The following SLC3A2 variants were observed in gnomAD, a reference collection of about 807,000 sequenced individuals.
The protein encoded by SLC3A2 is amino acid transporter heavy chain SLC3A2.
Under a neutral mutation model 48.5 loss-of-function variants are expected in SLC3A2, and 32 were observed. That is an observed-to-expected ratio of 0.66 (90% CI 0.50 to 0.89). The LOEUF is 0.89. Ranked by LOEUF, SLC3A2 falls within the 40% of genes least tolerant of loss-of-function variation. The probability of loss-of-function intolerance (pLI) is 0.00; values close to 1 mark genes in which losing one functional copy is unlikely to be tolerated. For synonymous variants in SLC3A2, 277 were observed against 288.8 expected, an observed-to-expected ratio of 0.96 and a Z score of 0.41; for missense variants, 587 against 680.7, an observed-to-expected ratio of 0.86 and a Z score of 1.53.
chr11:62,867,290 C>G (rs891184374), intron 1 of SLC3A2, among the ~76,000 whole-genome samples: 3 of 149,062 alleles, frequency 2.0e-5, no homozygotes, highest in African/African-American at 7.4e-5. Flanking sequence ...CCGTGCCTGG[C>G]CTATTTCCCT....
Position 62,881,559 on chromosome 11 carries a change from C to T in SLC3A2, c.424+112C>T. 2 of 1,398,478 alleles carry T rather than the reference C, an allele frequency of 1.4e-6. No homozygotes were observed. Among genetic ancestry groups the T allele is most frequent in the East Asian group, 2.5e-5 (1 of 39,614 alleles). 86.6% of individuals were successfully genotyped at this position (1,398,478 alleles called of 1,614,324 possible). A position where few individuals can be genotyped will look rare whatever the true frequency, so the allele number is the denominator to read the frequency against. ...AGATGGTTCTTCCCTCCATCCCGTA[C>T]CGACGACTGTTCCCCCTTCCCCCAC... On this transcript the variant is annotated intron_variant, in intron 1 of 8. Coordinates refer to ENST00000338663, the MANE Select transcript of SLC3A2 (RefSeq NM_001013251.3). This position sits in a 1 kb window ranked among gnomAD's most constrained non-coding sequence, Gnocchi z 4.0.
chr11:62,859,061 C>A (rs1005257416), intron 1 of SLC3A2, among the ~76,000 whole-genome samples: 1 of 151,584 alleles, frequency 6.6e-6, no homozygotes, highest in Non-Finnish European at 1.5e-5. Context: ...AGCACAGACG[C>A]TTTACGGGTG....
chr11:62,873,968 A>G (rs1218707631), intron 1 of SLC3A2, among the ~76,000 whole-genome samples: 2 of 91,994 alleles, frequency 2.2e-5, no homozygotes, highest in Non-Finnish European at 4.1e-5. Flanking sequence ...ATGCCCAGCT[A>G]ATTTTTTTTT....
chr11:62,883,701 AG>A (rs1007817152), intron 3 of SLC3A2: 3 of 267,980 alleles, frequency 1.1e-5, no homozygotes, highest in African/African-American at 4.4e-5. Flanking sequence ...GCCAGTTACT[AG>A]GGGACCCTTT....
intron 1 of SLC3A2, among the ~76,000 whole-genome samples, chr11:62,865,339 G>A (rs1477771590): frequency 6.6e-6 from 1 of 152,080 alleles, no homozygotes; most frequent in Non-Finnish European, 1.5e-5. Context: ...GATCACTTGA[G>A]GTCAGGAGTT....
upstream of SLC3A2, chr11:62,856,131 C>T (rs532435096): frequency 3.1e-6 from 2 of 643,716 alleles, no homozygotes; most frequent in African/African-American, 1.8e-5. Flanking sequence ...GGTTTTCTCA[C>T]CCAGTGCATG....
At chr11:62,876,762 TG>T, upstream of SLC3A2, 2 of 290,598 alleles carry the variant, frequency 6.9e-6, no homozygotes, top group South Asian at 3.0e-5. Context: ...CCACCATACC[TG>T]GCTAATTTTT....
In SLC3A2 at chr11:62,888,579, T is replaced by C; in HGVS notation, c.1476T>C (p.Ala492=). ...CCAGCGCCAGCCTGCCAGCCAAGGC[T>C]GACCTCCTGCTCAGCACCCAGCCAG... ...LPASASLPAK[A]DLLLSTQPGR... The change falls in exon 9 of 9, where the codon GCT becomes GCC. Residue 492 remains alanine, a synonymous_variant. Coordinates refer to ENST00000338663, the MANE Select transcript of SLC3A2 (RefSeq NM_001013251.3). The C allele has an allele frequency of 3.1e-6, 5 of 1,613,824 alleles. No individual in the cohort carries two copies. Among genetic ancestry groups the C allele is most frequent in the Non-Finnish European group, 4.2e-6 (5 of 1,180,028 alleles).
At chr11:62,878,630 T>A (rs1471045297), upstream of SLC3A2, among the ~76,000 whole-genome samples, 1 of 144,192 alleles carries the variant, frequency 6.9e-6, no homozygotes, top group African/African-American at 2.6e-5. Context: ...CACGCCTGGC[T>A]GATTTTTTTT....
At chr11:62,880,866 C>T (rs1377869206), upstream of SLC3A2, 9 of 1,408,426 alleles carry the variant, frequency 6.4e-6, no homozygotes, top group African/African-American at 4.3e-5. Flanking sequence ...CTCCGCTGCC[C>T]CTTCCCAGAG....
At chr11:62,858,493 G>A (rs999069947) in intron 1 of SLC3A2, among the ~76,000 whole-genome samples, 23 of 152,166 alleles carry the variant, frequency 1.5e-4, no homozygotes, top group African/African-American at 5.6e-4. Flanking sequence ...AAAGTGGGCG[G>A]ATCACCTGAG....
At chr11:62,879,139 C>T (rs192833904), upstream of SLC3A2, among the ~76,000 whole-genome samples, 497 of 152,188 alleles carry the variant, frequency 3.3e-3, 2 homozygotes, top group Non-Finnish European at 4.8e-3. Context: ...CCATTCTTGG[C>T]TCACTGCAAC....
chr11:62,872,173 C>T (rs2085524931), intron 1 of SLC3A2, among the ~76,000 whole-genome samples: 1 of 152,178 alleles, frequency 6.6e-6, no homozygotes, highest in Non-Finnish European at 1.5e-5. Flanking sequence ...CCTGGCCTCC[C>T]AAAGTGCTGG....
intron 1 of SLC3A2, among the ~76,000 whole-genome samples, chr11:62,866,412 TG>T (rs1351318327): frequency 2.0e-5 from 3 of 151,512 alleles, no homozygotes; most frequent in South Asian, 2.1e-4. Flanking sequence ...TTTTGGCAGG[TG>T]GGGGGGTGGT....
intron 1 of SLC3A2, among the ~76,000 whole-genome samples, chr11:62,875,313 G>A (rs2085559567): frequency 6.6e-6 from 1 of 152,120 alleles, no homozygotes; most frequent in Admixed American, 6.5e-5. Context: ...TTGGGAGGCC[G>A]AGGCGAGTGG....
intron 1 of SLC3A2, among the ~76,000 whole-genome samples, chr11:62,866,914 A>C (rs999976358): frequency 6.6e-6 from 1 of 152,134 alleles, no homozygotes; most frequent in Non-Finnish European, 1.5e-5. Flanking sequence ...TAAAATTCAG[A>C]CTGTCACATT....
chr11:62,866,676 T>G (rs1195720988), intron 1 of SLC3A2, among the ~76,000 whole-genome samples: 1 of 152,094 alleles, frequency 6.6e-6, no homozygotes, highest in Non-Finnish European at 1.5e-5. Flanking sequence ...GATTACAAGG[T>G]GAGCCACCGC....
intron 1 of SLC3A2, among the ~76,000 whole-genome samples, chr11:62,859,551 G>C (rs2085376047): frequency 6.6e-6 from 1 of 152,118 alleles, no homozygotes; most frequent in Admixed American, 6.6e-5. Flanking sequence ...GCGTGGTGTG[G>C]GTGCGGTGGC....
At chr11:62,880,753 C>A, upstream of SLC3A2, 1 of 496,896 alleles carries the variant, frequency 2.0e-6, no homozygotes, top group Non-Finnish European at 3.5e-6. Context: ...TTGGACCATG[C>A]AGGAAGTACT....
Sources: allele counts gnomAD v4.1 joint callset (sites outside exome capture counted in the v4.1 genomes callset), GRCh38; gene constraint gnomAD v4.1.1; non-coding constraint Gnocchi (gnomAD v3.1); transcripts MANE v1.5; gene names NCBI Gene and HGNC (gene_info 2026-07-23, HGNC 2026-07-21).